RUNDC3B: variants seen among roughly 807,000 people sequenced by gnomAD.
The protein encoded by RUNDC3B is RUN domain containing 3B.
Under a neutral mutation model 58.4 loss-of-function variants are expected in RUNDC3B, and 33 were observed. The ratio of observed to expected loss-of-function variants is 0.56; its 90% CI spans 0.43 to 0.75. RUNDC3B has a LOEUF of 0.75. Among genes scored for constraint, RUNDC3B ranks in the 30% least tolerant of loss-of-function variants. The pLI is 0.00. For synonymous variants in RUNDC3B, 193 were observed against 195.2 expected, an observed-to-expected ratio of 0.99 and a Z score of 0.10; for missense variants, 501 against 535.7, an observed-to-expected ratio of 0.94 and a Z score of 0.64.
At chr7:87,675,169 C>T (rs1344403775) in intron 2 of RUNDC3B, among the ~76,000 whole-genome samples, 1 of 152,200 alleles carries the variant, frequency 6.6e-6, no homozygotes, top group African/African-American at 2.4e-5. Context: ...TGCTTAGCCT[C>T]CCCATGCTGG....
Position 87,831,661 on chromosome 7 carries a change from G to GT in RUNDC3B, c.*1635dup, listed in dbSNP as rs1346695995. 5 of 152,006 alleles carry GT rather than the reference G, an allele frequency of 3.3e-5. No individual in the cohort carries two copies. The highest frequency in any genetic ancestry group is 4.8e-5 in the African/African-American group (2 of 41,514). The allele number at this position is 152,006 out of a possible 1,614,324, so 9.4% of individuals were successfully genotyped here. On this transcript the variant is annotated 3_prime_UTR_variant, in exon 11 of 11. Transcript: ENST00000394654. Reference sequence around the variant, plus strand: ...ATTATGAGTGAAGTATCCAAAGCAGGTTTTCATCAGCATGGGGGATGGAAG... The same window carrying GT: ...ATTATGAGTGAAGTATCCAAAGCAGGTTTTTCATCAGCATGGGGGATGGAAG...
At chr7:87,800,150 G>C (rs988054460) in intron 8 of RUNDC3B, among the ~76,000 whole-genome samples, 3 of 152,278 alleles carry the variant, frequency 2.0e-5, no homozygotes, top group Middle Eastern at 3.4e-3. Flanking sequence ...TCAGGGGTTA[G>C]ATCCTTATAA....
At chr7:87,634,960 C>G (rs1386300634) in intron 1 of RUNDC3B, among the ~76,000 whole-genome samples, 1 of 152,194 alleles carries the variant, frequency 6.6e-6, no homozygotes, top group Non-Finnish European at 1.5e-5. Flanking sequence ...TTTCAGCATT[C>G]ACAAAAGGTC....
chr7:87,746,421 G>A (rs1832645369), intron 6 of RUNDC3B, among the ~76,000 whole-genome samples: 1 of 152,054 alleles, frequency 6.6e-6, no homozygotes, highest in Admixed American at 6.6e-5. Context: ...CCCACCCACA[G>A]CAACTATTAT....
intron 1 of RUNDC3B, among the ~76,000 whole-genome samples, chr7:87,649,266 G>A (rs376062124): frequency 1.3e-5 from 2 of 152,114 alleles, no homozygotes; most frequent in African/African-American, 2.4e-5. Flanking sequence ...ATGATAGGAC[G>A]TTTAAACATT....
intron 8 of RUNDC3B, among the ~76,000 whole-genome samples, chr7:87,778,386 T>A (rs1297108983): frequency 6.9e-6 from 1 of 145,508 alleles, no homozygotes; most frequent in East Asian, 2.0e-4. Context: ...AAGGCTGCAG[T>A]GGGCCCTGAT....
intron 2 of RUNDC3B, among the ~76,000 whole-genome samples, chr7:87,695,873 G>C (rs1234804932): frequency 6.6e-6 from 1 of 152,040 alleles, no homozygotes; most frequent in Non-Finnish European, 1.5e-5. Context: ...CTCACTTAAA[G>C]AGTATAGAAG....
intron 6 of RUNDC3B, among the ~76,000 whole-genome samples, chr7:87,749,788 C>T (rs1832854925): frequency 6.6e-6 from 1 of 151,916 alleles, no homozygotes; most frequent in Non-Finnish European, 1.5e-5. Flanking sequence ...AGAAAAGCTG[C>T]TAGAAACATT....
chr7:87,689,042 A>G (rs1489372404), intron 2 of RUNDC3B, among the ~76,000 whole-genome samples: 1 of 152,040 alleles, frequency 6.6e-6, no homozygotes, highest in Non-Finnish European at 1.5e-5. Context: ...TTTTACATGA[A>G]CATCACTTTC....
chr7:87,796,245 T>C (rs1048632092), intron 8 of RUNDC3B, among the ~76,000 whole-genome samples: 15 of 152,172 alleles, frequency 9.9e-5, no homozygotes, highest in Admixed American at 2.6e-4. Flanking sequence ...ATTTTTGGTA[T>C]ATAAAAATCA....
At chr7:87,748,398 A>G (rs1357819845) in intron 6 of RUNDC3B, among the ~76,000 whole-genome samples, 1 of 152,050 alleles carries the variant, frequency 6.6e-6, no homozygotes, top group Non-Finnish European at 1.5e-5. Context: ...TCCTCTCGGG[A>G]TTGGTAGGCT....
intron 4 of RUNDC3B, among the ~76,000 whole-genome samples, chr7:87,715,527 A>T (rs1830510471): frequency 7.2e-6 from 1 of 138,654 alleles, no homozygotes; most frequent in Non-Finnish European, 1.5e-5. Context: ...TATATATATA[A>T]CATTTAATAT....
intron 10 of RUNDC3B, among the ~76,000 whole-genome samples, chr7:87,825,402 G>C (rs1252227586): frequency 6.6e-6 from 1 of 152,128 alleles, no homozygotes; most frequent in Non-Finnish European, 1.5e-5. Context: ...CAAGAATTGG[G>C]GTTTGGGAAC....
intron 7 of RUNDC3B, among the ~76,000 whole-genome samples, chr7:87,772,552 T>C (rs1449731663): frequency 1.3e-5 from 2 of 152,198 alleles, no homozygotes; most frequent in Non-Finnish European, 2.9e-5. Context: ...TGAAGGTGGT[T>C]AGAGACATTT....
chr7:87,654,438 G>C (rs1823884419), intron 2 of RUNDC3B, among the ~76,000 whole-genome samples: 1 of 151,990 alleles, frequency 6.6e-6, no homozygotes, highest in Non-Finnish European at 1.5e-5. Flanking sequence ...TGCATTTCTG[G>C]TCTATTAATT....
intron 8 of RUNDC3B, among the ~76,000 whole-genome samples, chr7:87,787,089 C>A (rs1354939733): frequency 6.6e-6 from 1 of 152,056 alleles, no homozygotes; most frequent in East Asian, 1.9e-4. Context: ...TTCTTTCATA[C>A]AAAAACCACT....
chr7:87,781,691 G>A (rs1483533981), intron 8 of RUNDC3B, among the ~76,000 whole-genome samples: 1 of 152,080 alleles, frequency 6.6e-6, no homozygotes, highest in Non-Finnish European at 1.5e-5. Context: ...TTTTTATCAT[G>A]AAGGGATGTT....
chr7:87,800,642 T>A (rs887505628), intron 8 of RUNDC3B, among the ~76,000 whole-genome samples: 1 of 150,748 alleles, frequency 6.6e-6, no homozygotes, highest in African/African-American at 2.4e-5. Context: ...TCTCCACTCA[T>A]CTTTTCTTTT....
intron 7 of RUNDC3B, among the ~76,000 whole-genome samples, chr7:87,774,911 A>C (rs1037492129): frequency 2.0e-5 from 3 of 152,226 alleles, no homozygotes; most frequent in Non-Finnish European, 4.4e-5. Flanking sequence ...GCTAGTGTAA[A>C]TAAACCTATT....
Sources: gnomAD v4.1 joint callset for allele counts (sites outside exome capture counted in the v4.1 genomes callset) on GRCh38, gnomAD v4.1.1 for gene constraint, MANE v1.5 for transcripts, NCBI Gene and HGNC (gene_info 2026-07-23, HGNC 2026-07-21) for gene names.